The following KALRN variants were observed in gnomAD, a reference collection of about 807,000 sequenced individuals.
KALRN encodes kalirin RhoGEF kinase, also known as kalirin.
Under a neutral mutation model 353.7 loss-of-function variants are expected in KALRN, and 70 were observed. The observed-to-expected ratio is 0.20, with a 90% CI of 0.16 to 0.24. The LOEUF is 0.24. Among genes scored for constraint, KALRN ranks in the 10% least tolerant of loss-of-function variants. The pLI, the probability that KALRN is intolerant of heterozygous loss-of-function variation, is 1.00. For missense variants in KALRN, 2,791 were observed against 3,756.7 expected, an observed-to-expected ratio of 0.74 and a Z score of 6.72; for synonymous variants, 1,391 against 1,434.8, an observed-to-expected ratio of 0.97 and a Z score of 0.69.
rs767728290 is a variant in KALRN at position 124,666,557 on chromosome 3, G to C, written c.6454G>C (p.Glu2152Gln). Residue 2152 changes from glutamate to glutamine, a missense_variant, in exon 46 of 60, where the codon GAG becomes CAG. Glu to Gln is a conservative substitution (Grantham distance 29). Transcript: ENST00000682506. ...RTKERRVFLFEQIVIFSELLR... is the reference protein window; with the variant it reads ...RTKERRVFLFQQIVIFSELLR... ...CAAAGAGAGGCGCGTGTTCCTCTTC[G>C]AGCAGATTGTCATCTTCAGTGAACT... is the stretch of plus-strand genomic sequence containing the variant. The C allele has an allele frequency of 6.2e-6, 10 of 1,613,998 alleles. No individual in the cohort carries two copies. The South Asian group carries it at 8.8e-5, about 14-fold the overall frequency.
intron 34 of KALRN, among the ~76,000 whole-genome samples, chr3:124,595,950 A>T (rs55806309): frequency 0.15 from 23,449 of 152,172 alleles, 1,930 homozygotes; most frequent in Middle Eastern, 0.19. Context: ...TATCATGATG[A>T]TTACGAACTT....
chr3:124,068,750 C>T (rs2042585595), intron 1 of KALRN, among the ~76,000 whole-genome samples: 1 of 152,012 alleles, frequency 6.6e-6, no homozygotes, highest in African/African-American at 2.4e-5. Flanking sequence ...TTGACAGAAG[C>T]ACTGGGGACA....
At chr3:124,499,713 A>G (rs991171413) in intron 33 of KALRN, among the ~76,000 whole-genome samples, 12 of 152,168 alleles carry the variant, frequency 7.9e-5, no homozygotes, top group Non-Finnish European at 1.6e-4. Flanking sequence ...GCATTGGCTC[A>G]TGGGTTATTT....
intron 37 of KALRN, among the ~76,000 whole-genome samples, chr3:124,647,191 G>T (rs2082869660): frequency 6.6e-6 from 1 of 152,146 alleles, no homozygotes; most frequent in African/African-American, 2.4e-5. Context: ...ACAGGCGTGA[G>T]CCACCATTCC....
rs397876079 is a variant in KALRN at position 124,437,689 on chromosome 3, CAAAAAAAAA to C, written c.3049-1181_3049-1173del. Among the ~76,000 whole-genome samples the C allele has an allele frequency of 1.9e-4, 9 of 48,332 alleles. No individual in the cohort carries two copies. The South Asian group carries it at 5.1e-3, about 27-fold the overall frequency. The allele number at this position is 48,332 out of a possible 152,430, so 31.7% of individuals were successfully genotyped here. A position where few individuals can be genotyped will look rare whatever the true frequency, so the allele number is the denominator to read the frequency against. ...TGGGTGAAAAAGCTAGATTCCGTCT[CAAAAAAAAA>C]AAAAAAAAAAAAAAAAAGACGTTTT... On this transcript the variant is annotated intron_variant, in intron 17 of 59. Coordinates refer to ENST00000682506, the MANE Select transcript of KALRN (RefSeq NM_001388419.1).
At chr3:124,296,578 A>G (rs1168649460) in intron 5 of KALRN, among the ~76,000 whole-genome samples, 1 of 151,922 alleles carries the variant, frequency 6.6e-6, no homozygotes, top group Non-Finnish European at 1.5e-5. Context: ...ATCAAAGCTC[A>G]CTTCACACTT....
intron 13 of KALRN, among the ~76,000 whole-genome samples, chr3:124,401,606 G>T (rs944583653): frequency 6.6e-6 from 1 of 152,176 alleles, no homozygotes; most frequent in African/African-American, 2.4e-5. Flanking sequence ...GGACAACCTG[G>T]TATGCAGGAG....
intron 33 of KALRN, among the ~76,000 whole-genome samples, chr3:124,526,608 A>G (rs545870382): frequency 6.6e-6 from 1 of 152,120 alleles, no homozygotes; most frequent in African/African-American, 2.4e-5. Flanking sequence ...ATAATAGTGC[A>G]TATGGGAGCA....
At chr3:124,322,435 C>T (rs545105400) in intron 6 of KALRN, among the ~76,000 whole-genome samples, 2 of 152,268 alleles carry the variant, frequency 1.3e-5, no homozygotes, top group East Asian at 3.9e-4. Context: ...ATGCCCTTGA[C>T]TAATGGGCAG....
rs1286413066 is a variant in KALRN, at chr3:124,721,268, T to C, written c.*1798T>C. ...TATAGATTGATAAATTAATGGAAAG[T>C]ATAAGCAATAAGACTAGATAGCACT... is the stretch of plus-strand genomic sequence containing the variant. On this transcript the variant is annotated 3_prime_UTR_variant, in exon 60 of 60. Transcript: ENST00000682506. 2 of 152,172 alleles carry C rather than the reference T, an allele frequency of 1.3e-5. No homozygotes were observed. Among genetic ancestry groups the C allele is most frequent in the Non-Finnish European group, 2.9e-5 (2 of 68,046 alleles). 9.4% of individuals were successfully genotyped at this position (152,172 alleles called of 1,614,324 possible). A position where few individuals can be genotyped will look rare whatever the true frequency, so the allele number is the denominator to read the frequency against.
At chr3:124,694,241 G>T (rs2061953902) in intron 52 of KALRN, 91 bp from the exon 53 acceptor site, 1 of 1,208,112 alleles carries the variant, frequency 8.3e-7, no homozygotes, top group Non-Finnish European at 1.2e-6. Context: ...CATGACATGG[G>T]TGGGAAATGA....
chr3:124,445,744 C>T (rs2093816267), intron 19 of KALRN, among the ~76,000 whole-genome samples: 3 of 152,322 alleles, frequency 2.0e-5, no homozygotes, highest in Admixed American at 2.0e-4. Context: ...AATCTCCTGC[C>T]TCTCTTCTAA....
intron 43 of KALRN, 27 bp from the exon 44 acceptor site, chr3:124,660,896 C>T (rs368966385): frequency 5.7e-6 from 9 of 1,570,148 alleles, no homozygotes; most frequent in Non-Finnish European, 7.9e-6. Flanking sequence ...CCTTCCCACA[C>T]TCTTGCCTGC....
At chr3:124,631,894 C>T (rs887421564) in intron 34 of KALRN, among the ~76,000 whole-genome samples, 4 of 152,244 alleles carry the variant, frequency 2.6e-5, no homozygotes, top group Non-Finnish European at 1.5e-5. Flanking sequence ...CACCCCAGGC[C>T]TTGCCTTGGG....
In KALRN at chr3:124,472,034, C is replaced by A. The variant is rs189564086; in HGVS notation, c.4032-2629C>A. Among the ~76,000 whole-genome samples, 546 of 151,022 alleles carry A rather than the reference C, an allele frequency of 3.6e-3. 2 individuals are homozygous for A. The highest frequency in any genetic ancestry group is 3.3e-3 in the Non-Finnish European group (223 of 67,880). ...TTCCTCATGAAAATTATATGCTGTGCATTTAATTCTGGTTATAGTATTTTT... is the reference window on the plus strand; with the variant it reads ...TTCCTCATGAAAATTATATGCTGTGAATTTAATTCTGGTTATAGTATTTTT... On this transcript the variant is annotated intron_variant, in intron 25 of 59. Coordinates refer to ENST00000682506, the MANE Select transcript of KALRN (RefSeq NM_001388419.1).
At chr3:124,161,431 C>T (rs1164859600) in intron 1 of KALRN, among the ~76,000 whole-genome samples, 2 of 152,168 alleles carry the variant, frequency 1.3e-5, no homozygotes, top group African/African-American at 2.4e-5. Flanking sequence ...ATAAGCTGAA[C>T]TTAATAACAT....
At position 124,645,232 on chromosome 3, in the gene KALRN, T is replaced by G. The variant is rs150060570; in HGVS notation, c.5665-5576T>G. ...TTTGTAGATTCTGGATATTAGCCCTTTGTCAGATGGATAGATTGCAAAAAT... is the reference window on the plus strand; with the variant it reads ...TTTGTAGATTCTGGATATTAGCCCTGTGTCAGATGGATAGATTGCAAAAAT... On this transcript the variant is annotated intron_variant, in intron 37 of 59. Coordinates refer to ENST00000682506, the MANE Select transcript of KALRN (RefSeq NM_001388419.1). Among the ~76,000 whole-genome samples, 288 of 152,336 alleles carry G rather than the reference T, an allele frequency of 1.9e-3. 1 individual carries two copies. Among genetic ancestry groups the G allele is most frequent in the African/African-American group, 6.6e-3 (276 of 41,590 alleles).
chr3:124,146,797 C>T (rs1318820087), intron 1 of KALRN, among the ~76,000 whole-genome samples: 2 of 129,904 alleles, frequency 1.5e-5, no homozygotes, highest in East Asian at 2.6e-4. Flanking sequence ...GAATCGCTTG[C>T]GCCTGGGAGG....
intron 1 of KALRN, among the ~76,000 whole-genome samples, chr3:124,090,341 G>A (rs2061044016): frequency 6.6e-6 from 1 of 152,236 alleles, no homozygotes; most frequent in African/African-American, 2.4e-5. Flanking sequence ...AGGTGAGCAA[G>A]ATGAAAGCTA....
Sources: gnomAD v4.1 joint callset for allele counts (sites outside exome capture counted in the v4.1 genomes callset) on GRCh38, gnomAD v4.1.1 for gene constraint, MANE v1.5 for transcripts, NCBI Gene and HGNC (gene_info 2026-07-23, HGNC 2026-07-21) for gene names.